Variants in CSMD2 observed in about 807,000 individuals in gnomAD.
CSMD2 encodes the protein CUB and Sushi multiple domains 2, also known as CUB and sushi domain-containing protein 2.
Under a neutral mutation model 398.5 loss-of-function variants are expected in CSMD2, and 130 were observed. The observed-to-expected ratio is 0.33, with a 90% CI of 0.28 to 0.38. The LOEUF (loss-of-function observed/expected upper bound fraction) is 0.38. CSMD2 is among the 10% of genes least tolerant of loss of function. The pLI is 1.00. For missense variants in CSMD2, 3,829 were observed against 4,764.9 expected, an observed-to-expected ratio of 0.80 and a Z score of 5.78; for synonymous variants, 1,828 against 1,908.5, an observed-to-expected ratio of 0.96 and a Z score of 1.10.
At chr1:33,812,263 C>T (rs1656949629) in intron 9 of CSMD2, among the ~76,000 whole-genome samples, 1 of 152,164 alleles carries the variant, frequency 6.6e-6, no homozygotes, top group African/African-American at 2.4e-5. Context: ...CACCATCAAG[C>T]AGAGCAGGTG....
chr1:33,937,143 A>G (rs1005673287), intron 3 of CSMD2, among the ~76,000 whole-genome samples: 3 of 152,248 alleles, frequency 2.0e-5, no homozygotes, highest in Non-Finnish European at 4.4e-5. Flanking sequence ...TCAGGTATGC[A>G]AAGTGCTTAG....
intron 49 of CSMD2, among the ~76,000 whole-genome samples, chr1:33,573,362 A>G (rs1390114825): frequency 6.6e-6 from 1 of 152,210 alleles, no homozygotes; most frequent in Non-Finnish European, 1.5e-5. Flanking sequence ...ACAAACCAAG[A>G]TAAAGTTTAA....
chr1:33,582,833 T>C (rs1638823331), intron 47 of CSMD2, among the ~76,000 whole-genome samples: 1 of 152,230 alleles, frequency 6.6e-6, no homozygotes, highest in African/African-American at 2.4e-5. Flanking sequence ...CGCATATCTT[T>C]ATTAGAACAG....
intron 37 of CSMD2, 30 bp from the exon 38 acceptor site, chr1:33,617,647 G>T: frequency 1.3e-6 from 2 of 1,557,834 alleles, no homozygotes; most frequent in Non-Finnish European, 1.8e-6. Flanking sequence ...AAGGAAAGGA[G>T]AATGGACTAG....
Position 33,528,181 on chromosome 1 carries a change from A to T in CSMD2, c.10172-923T>A, listed in dbSNP as rs146751349. ...CCAAGGTTCAGGTCCCAGCAGTGCCACTTAATGACTGCGTGACCTTGACTA... is the reference window on the plus strand; with the variant it reads ...CCAAGGTTCAGGTCCCAGCAGTGCCTCTTAATGACTGCGTGACCTTGACTA... On this transcript the variant is annotated intron_variant, in intron 64 of 70. Transcript: ENST00000373381. 5.3e-5 allele frequency among the ~76,000 whole-genome samples: 8 copies of T among 152,330 alleles called. No homozygotes were observed. In the East Asian group the frequency reaches 1.5e-3, roughly 29 times the overall value.
intron 10 of CSMD2, among the ~76,000 whole-genome samples, chr1:33,808,975 C>T (rs1381281716): frequency 1.2e-5 from 1 of 82,286 alleles, no homozygotes; most frequent in South Asian, 4.1e-4. Flanking sequence ...AAAATGGAGT[C>T]AAGAAAAAAA....
intron 9 of CSMD2, 76 bp from the exon 10 acceptor site, chr1:33,810,940 C>T (rs1656797326): frequency 2.0e-6 from 3 of 1,518,820 alleles, no homozygotes; most frequent in South Asian, 1.1e-5. Context: ...ACTCCCCACC[C>T]AGAAGACACT....
chr1:34,145,563 C>T (rs192874446), intron 1 of CSMD2, among the ~76,000 whole-genome samples: 2 of 152,200 alleles, frequency 1.3e-5, no homozygotes, highest in African/African-American at 4.8e-5. Context: ...CCTGAAAACA[C>T]AGAAATAGAA....
chr1:33,960,027 T>C (rs966724406), intron 3 of CSMD2, among the ~76,000 whole-genome samples: 2 of 152,062 alleles, frequency 1.3e-5, no homozygotes, highest in African/African-American at 4.8e-5. Context: ...CAAATCCTGA[T>C]CCCCACGTGA....
chr1:34,007,841 AT>A lies in CSMD2; in HGVS notation c.517+24752del, dbSNP rs551128922. Among the ~76,000 whole-genome samples the A allele has an allele frequency of 5.3e-5, 8 of 152,292 alleles. No individual in the cohort carries two copies. The East Asian group carries it at 1.5e-3, about 29-fold the overall frequency. On this transcript the variant is annotated intron_variant, in intron 3 of 70. Transcript: ENST00000373381. ...ATTGTGGTTATATCTAGGGGGTGTGATAATAGTTGATTTTAATTTTCTTCTT... is the reference window on the plus strand; with the variant it reads ...ATTGTGGTTATATCTAGGGGGTGTGAAATAGTTGATTTTAATTTTCTTCTT...
chr1:33,799,300 G>T (rs1297932282), intron 10 of CSMD2, among the ~76,000 whole-genome samples: 1 of 152,214 alleles, frequency 6.6e-6, no homozygotes, highest in African/African-American at 2.4e-5. Flanking sequence ...TACAGAAGAA[G>T]TTTGCTGATG....
At chr1:33,713,795 A>C (rs1487303831) in intron 21 of CSMD2, among the ~76,000 whole-genome samples, 1 of 152,094 alleles carries the variant, frequency 6.6e-6, no homozygotes, top group Non-Finnish European at 1.5e-5. Context: ...CCAGATATCT[A>C]TCTCTGGCCA....
At chr1:33,906,249 T>C (rs1643080798) in intron 5 of CSMD2, among the ~76,000 whole-genome samples, 1 of 152,222 alleles carries the variant, frequency 6.6e-6, no homozygotes. Flanking sequence ...GGTGGTTACT[T>C]AGGCAAGGGT....
chr1:33,941,785 T>C lies in CSMD2; in HGVS notation c.518-5831A>G, dbSNP rs1400370842. 1.3e-5 allele frequency among the ~76,000 whole-genome samples: 2 copies of C among 152,144 alleles called. 1 individual carries two copies. Reference sequence around the variant, plus strand: ...TCCATCCCCAAAGAGTTTTCTATACTTGCTGTCTCCATTTCCTCTCCATTC... The same window carrying C: ...TCCATCCCCAAAGAGTTTTCTATACCTGCTGTCTCCATTTCCTCTCCATTC... On this transcript the variant is annotated intron_variant, in intron 3 of 70. Coordinates refer to ENST00000373381, the MANE Select transcript of CSMD2 (RefSeq NM_001281956.2).
At chr1:33,709,851 C>G (rs906982600) in intron 21 of CSMD2, among the ~76,000 whole-genome samples, 13 of 152,100 alleles carry the variant, frequency 8.5e-5, no homozygotes, top group Non-Finnish European at 1.6e-4. Context: ...AGGTACTCAA[C>G]CACTGAGACC....
intron 5 of CSMD2, among the ~76,000 whole-genome samples, chr1:33,914,185 A>G (rs1282807758): frequency 1.3e-5 from 2 of 152,182 alleles, no homozygotes; most frequent in Non-Finnish European, 2.9e-5. Context: ...AGAGCAGAGC[A>G]GAGAAAGAAA....
chr1:34,121,294 G>A (rs1296038126), intron 1 of CSMD2, among the ~76,000 whole-genome samples: 1 of 152,206 alleles, frequency 6.6e-6, no homozygotes, highest in Non-Finnish European at 1.5e-5. Flanking sequence ...TGGGCTTGTG[G>A]GGGCAGCCAG....
intron 1 of CSMD2, among the ~76,000 whole-genome samples, chr1:34,099,627 A>C (rs1195188146): frequency 2.0e-5 from 3 of 152,240 alleles, no homozygotes; most frequent in Non-Finnish European, 4.4e-5. Flanking sequence ...AGGGGACAGA[A>C]AAGGTGACAG....
chr1:33,766,581 C>A (rs1650530348), intron 13 of CSMD2, among the ~76,000 whole-genome samples: 1 of 152,230 alleles, frequency 6.6e-6, no homozygotes, highest in Non-Finnish European at 1.5e-5. Flanking sequence ...TCCTTGAGGA[C>A]ACGGACCGTG....
Sources: gnomAD v4.1 joint callset for allele counts (sites outside exome capture counted in the v4.1 genomes callset) on GRCh38, gnomAD v4.1.1 for gene constraint, MANE v1.5 for transcripts, NCBI Gene and HGNC (gene_info 2026-07-23, HGNC 2026-07-21) for gene names.